Variants in TAS1R1 observed in about 807,000 individuals in gnomAD.
The protein encoded by TAS1R1 is taste 1 receptor member 1.
Under a neutral mutation model 45.8 loss-of-function variants are expected in TAS1R1, and 31 were observed. That is an observed-to-expected ratio of 0.68 (90% CI 0.51 to 0.91). The LOEUF (loss-of-function observed/expected upper bound fraction) is 0.91, where lower values mean the gene tolerates loss of function less well. TAS1R1 is among the 40% of genes least tolerant of loss of function. The probability of loss-of-function intolerance (pLI) is 0.00; values close to 1 mark genes in which losing one functional copy is unlikely to be tolerated. For synonymous variants in TAS1R1, 437 were observed against 448.4 expected, an observed-to-expected ratio of 0.97 and a Z score of 0.32; for missense variants, 1,051 against 1,063.9, an observed-to-expected ratio of 0.99 and a Z score of 0.17.
chr1:6,574,915 CCA>C lies in TAS1R1; in HGVS notation c.785_786del (p.His262ProfsTer76). 2 of 1,614,004 alleles carry C rather than the reference CCA, an allele frequency of 1.2e-6. No homozygotes were observed. The highest frequency in any genetic ancestry group is 1.7e-6 in the Non-Finnish European group (2 of 1,179,902). ...GDERMQCLMR[H>X]LAQAGATVVV... ...ATGAGAGGATGCAGTGCCTCATGCG[CCA>C]CCTGGCCCAGGCCGGGGCCACCGTC... On this transcript the variant is annotated frameshift_variant, in exon 3 of 6. Transcript: ENST00000333172. LOFTEE classifies it high-confidence loss of function. This position sits in a 1 kb window ranked among gnomAD's most constrained non-coding sequence, Gnocchi z 4.3.
At chr1:6,571,807 G>A (rs1475607120) in intron 2 of TAS1R1, among the ~76,000 whole-genome samples, 1 of 152,080 alleles carries the variant, frequency 6.6e-6, no homozygotes, top group Admixed American at 6.5e-5. Flanking sequence ...GTGACAGAGT[G>A]ATACCTTGTC....
intron 1 of TAS1R1, among the ~76,000 whole-genome samples, chr1:6,560,581 A>C (rs966859277): frequency 7.2e-5 from 11 of 152,232 alleles, no homozygotes. Context: ...GGTGGGGAAA[A>C]CATCCGCCTT....
At chr1:6,567,440 G>T (rs1639893778) in intron 1 of TAS1R1, among the ~76,000 whole-genome samples, 1 of 152,018 alleles carries the variant, frequency 6.6e-6, no homozygotes, top group Non-Finnish European at 1.5e-5. Flanking sequence ...TGCGCCTGTA[G>T]TCCCAGCTAC....
rs779166831 is a variant in TAS1R1 at position 6,574,751 on chromosome 1, G to A, written c.619G>A (p.Gly207Arg). The change falls in exon 3 of 6, where the codon GGG (glycine) becomes AGG (arginine). Residue 207 changes from glycine (G) to arginine (R), a missense_variant. Physicochemically the swap from Gly to Arg is moderately radical, Grantham distance 125. Coordinates refer to ENST00000333172, the MANE Select transcript of TAS1R1 (RefSeq NM_138697.4). The surrounding 1 kb of genome is among the most constrained non-coding windows in gnomAD (Gnocchi z 4.3). Reference sequence around the variant, plus strand: ...CATGGTGCTGCTGCTGCAGAAGTTCGGGTGGACCTGGATCTCTCTGGTTGG... The same window carrying A: ...CATGGTGCTGCTGCTGCAGAAGTTCAGGTGGACCTGGATCTCTCTGGTTGG... ...ETMVLLLQKF[G>R]WTWISLVGSS... 31 of 1,614,134 alleles carry A rather than the reference G, an allele frequency of 1.9e-5. No individual in the cohort carries two copies. Among genetic ancestry groups the A allele is most frequent in the Admixed American group, 5.0e-5 (3 of 60,008 alleles).
At position 6,574,841 on chromosome 1, in the gene TAS1R1, A is replaced by C. The variant is rs61746706; in HGVS notation, c.709A>C (p.Ile237Leu). ...ALENQATGQG[I>L]CIAFKDIMPF... is the part of the protein sequence containing the mutation. ...GGAGAACCAGGCCACTGGTCAGGGG[A>C]TCTGCATTGCTTTCAAGGACATCAT... Residue 237 changes from isoleucine to leucine, a missense_variant, in exon 3 of 6, where the codon ATC becomes CTC. Coordinates refer to ENST00000333172, the MANE Select transcript of TAS1R1 (RefSeq NM_138697.4). This position sits in a 1 kb window ranked among gnomAD's most constrained non-coding sequence, Gnocchi z 4.3. 2.0e-3 allele frequency: 3,258 copies of C among 1,614,228 alleles called. 56 individuals carry two copies. The East Asian group carries it at 0.021, about 10-fold the overall frequency.
chr1:6,559,001 C>T (rs987933843), intron 1 of TAS1R1, among the ~76,000 whole-genome samples: 4 of 149,580 alleles, frequency 2.7e-5, no homozygotes, highest in Admixed American at 2.0e-4. Flanking sequence ...ACATCATTCT[C>T]CTGCCTCAGC....
chr1:6,570,998 C>T lies in TAS1R1; in HGVS notation c.281C>T (p.Pro94Leu). 1 of 1,614,166 alleles carries T rather than the reference C, an allele frequency of 6.2e-7. No individual in the cohort carries two copies. The highest frequency in any genetic ancestry group is 8.5e-7 in the Non-Finnish European group (1 of 1,180,024). The change falls in exon 2 of 6, where the codon CCC (proline) becomes CTC (leucine). Residue 94 changes from proline (P) to leucine (L), a missense_variant. Pro to Leu is a moderately conservative substitution (Grantham distance 98). Coordinates refer to ENST00000333172, the MANE Select transcript of TAS1R1 (RefSeq NM_138697.4). The part of the protein sequence containing the change: ...EEINNSTALL[P>L]NITLGYQLYD... The stretch of plus-strand genomic sequence containing the variant: ...ATAAACAACTCCACGGCCCTGCTGC[C>T]CAACATCACCCTGGGGTACCAGCTG...
intron 1 of TAS1R1, among the ~76,000 whole-genome samples, chr1:6,562,748 T>A (rs1639811668): frequency 1.3e-5 from 2 of 152,120 alleles, no homozygotes; most frequent in Non-Finnish European, 2.9e-5. Flanking sequence ...AAGACTAGGG[T>A]GCAGGTGCCA....
intron 1 of TAS1R1, among the ~76,000 whole-genome samples, chr1:6,567,239 C>T (rs1055731524): frequency 2.6e-5 from 4 of 152,006 alleles, no homozygotes; most frequent in Non-Finnish European, 4.4e-5. Flanking sequence ...GAGGCAAGGC[C>T]GAGTAGGTGG....
At chr1:6,564,221 C>A (rs1006027930) in intron 1 of TAS1R1, among the ~76,000 whole-genome samples, 1 of 152,114 alleles carries the variant, frequency 6.6e-6, no homozygotes, top group Non-Finnish European at 1.5e-5. Context: ...TGGAAAGGGC[C>A]TTCCCACTTA....
intron 1 of TAS1R1, among the ~76,000 whole-genome samples, chr1:6,567,308 C>T (rs1019308530): frequency 1.6e-4 from 25 of 152,170 alleles, no homozygotes; most frequent in African/African-American, 6.0e-4. Context: ...CGCCTGTAAT[C>T]CCAGCACTTT....
rs200684783 is a variant in TAS1R1, at chr1:6,575,691, C to CTTTTTTTT, written c.1260+303_1260+304insTTTTTTTT. ...CCACCACCATGCCTGGATAATTTTT[C>CTTTTTTTT]TTTTCTTTTTTTTTTTTTTGAGATA... On this transcript the variant is annotated intron_variant, in intron 3 of 5. Transcript: ENST00000333172. Among the ~76,000 whole-genome samples, 2 of 83,904 alleles carry CTTTTTTTT rather than the reference C, an allele frequency of 2.4e-5. 1 individual carries two copies. The allele number at this position is 83,904 out of a possible 152,430, so 55.0% of individuals were successfully genotyped here. A position where few individuals can be genotyped will look rare whatever the true frequency, so the allele number is the denominator to read the frequency against.
chr1:6,567,806 G>A lies in TAS1R1; in HGVS notation c.192-3103G>A, dbSNP rs530891547. Among the ~76,000 whole-genome samples the A allele has an allele frequency of 3.3e-5, 5 of 152,244 alleles. No individual in the cohort carries two copies. The East Asian group carries it at 9.7e-4, about 29-fold the overall frequency. On this transcript the variant is annotated intron_variant, in intron 1 of 5. Coordinates refer to ENST00000333172, the MANE Select transcript of TAS1R1 (RefSeq NM_138697.4). ...TTGAGACAACAGTCAGACTTCCAGT[G>A]GCCTGTCTGCTGGCAGACTGGGCAA...
At chr1:6,556,925 G>T (rs745892374) in intron 1 of TAS1R1, among the ~76,000 whole-genome samples, 19 of 149,726 alleles carry the variant, frequency 1.3e-4, no homozygotes, top group Non-Finnish European at 2.2e-4. Flanking sequence ...CAGGAGAATC[G>T]CATGAACCCG....
In TAS1R1 at chr1:6,575,115, A is replaced by G; in HGVS notation, c.983A>G (p.Lys328Arg). 1 of 1,585,756 alleles carries G rather than the reference A, an allele frequency of 6.3e-7. No individual in the cohort carries two copies. The highest frequency in any genetic ancestry group is 8.6e-7 in the Non-Finnish European group (1 of 1,166,376). Residue 328 changes from lysine to arginine, a missense_variant, in exon 3 of 6, where the codon AAG (lysine) becomes AGG (arginine). Transcript: ENST00000333172. ...ATGGTGCTGGGCGTGGCCATCCAGA[A>G]GAGGGCTGTCCCTGGCCTGAAGGCG... ...IGMVLGVAIQ[K>R]RAVPGLKAFE...
At chr1:6,572,164 C>T (rs1351917134) in intron 2 of TAS1R1, among the ~76,000 whole-genome samples, 1 of 152,180 alleles carries the variant, frequency 6.6e-6, no homozygotes, top group Non-Finnish European at 1.5e-5. Context: ...GACCCTCAGC[C>T]CGATTCTGTC....
chr1:6,565,027 T>G (rs1639851164), intron 1 of TAS1R1, among the ~76,000 whole-genome samples: 1 of 149,546 alleles, frequency 6.7e-6, no homozygotes, highest in African/African-American at 2.5e-5. Flanking sequence ...GGTGAAGGAG[T>G]AGGTACAGGG....
In TAS1R1 at chr1:6,579,376, G is replaced by A. The variant is rs115030111; in HGVS notation, c.2318G>A (p.Trp773Ter). ...TFSLLFNFVS[W>*]IAFFTTASVY... The stretch of plus-strand genomic sequence containing the variant: ...AGCCTGCTCTTCAACTTCGTGTCCT[G>A]GATCGCCTTCTTCACCACGGCCAGC... The change falls in exon 6 of 6, where the codon TGG (tryptophan) becomes TAG (stop). Residue 773 changes from tryptophan to a stop codon, truncating the protein, a stop_gained. Coordinates refer to ENST00000333172, the MANE Select transcript of TAS1R1 (RefSeq NM_138697.4). LOFTEE classifies it low-confidence loss of function (END_TRUNC). 1.4e-4 allele frequency: 221 copies of A among 1,613,862 alleles called. No homozygotes were observed. In the African/African-American group the frequency reaches 2.5e-3, roughly 18 times the overall value.
At chr1:6,565,036 G>A (rs1291984927) in intron 1 of TAS1R1, among the ~76,000 whole-genome samples, 1 of 152,002 alleles carries the variant, frequency 6.6e-6, no homozygotes, top group Non-Finnish European at 1.5e-5. Context: ...GTAGGTACAG[G>A]GGGCACGCAC....
Sources: gnomAD v4.1 joint callset for allele counts (sites outside exome capture counted in the v4.1 genomes callset) on GRCh38, gnomAD v4.1.1 for gene constraint, Gnocchi (gnomAD v3.1) non-coding constraint, MANE v1.5 for transcripts, NCBI Gene and HGNC (gene_info 2026-07-23, HGNC 2026-07-21) for gene names.